Variants in AKR1C3 observed in about 807,000 individuals in gnomAD.
The protein encoded by AKR1C3 is aldo-keto reductase family 1 member C3.
Under a neutral mutation model 43.6 loss-of-function variants are expected in AKR1C3, and 48 were observed. The observed-to-expected ratio is 1.10, with a 90% confidence interval of 0.87 to 1.40. The LOEUF (loss-of-function observed/expected upper bound fraction) is 1.40. AKR1C3 is among the 40% of genes most tolerant of loss of function. The pLI is 0.00. For missense variants in AKR1C3, 482 were observed against 391.2 expected (o/e 1.23, Z -1.96); for synonymous variants, 162 against 139.6 (o/e 1.16, Z -1.13).
chr10:5,096,007 T>G (rs1302712341), intron 1 of AKR1C3: 1 of 154,780 alleles, frequency 6.5e-6, no homozygotes, highest in Admixed American at 6.4e-5. Context: ...GGAGGAAGTC[T>G]GAGTGAGCAT....
At chr10:5,056,396 T>C (rs782801660) in intron 1 of AKR1C3, among the ~76,000 whole-genome samples, 16 of 152,142 alleles carry the variant, frequency 1.1e-4, no homozygotes, top group Non-Finnish European at 2.1e-4. Context: ...TACAACTGGA[T>C]ATAGAGGAAT....
chr10:5,105,782 G>A, intron 8 of AKR1C3, 105 bp downstream of exon 8: 3 of 837,150 alleles, frequency 3.6e-6, no homozygotes, highest in Admixed American at 2.2e-5. Context: ...GCCAATGTGA[G>A]TCAGAGGTGA....
intron 1 of AKR1C3, among the ~76,000 whole-genome samples, chr10:5,095,844 A>G (rs2518049): frequency 0.87 from 132,564 of 152,104 alleles, 58,019 homozygotes; most frequent in African/African-American, 0.96. Flanking sequence ...CAGAATGACT[A>G]TGCAGAAAAG....
upstream of AKR1C3, among the ~76,000 whole-genome samples, chr10:5,091,037 G>A (rs1003040056): frequency 1.3e-5 from 2 of 152,040 alleles, no homozygotes; most frequent in Non-Finnish European, 2.9e-5. Flanking sequence ...TAAAGTGTAG[G>A]ATGAGAGTAA....
At chr10:5,079,192 G>T (rs569954663) in intron 1 of AKR1C3, among the ~76,000 whole-genome samples, 38 of 152,300 alleles carry the variant, frequency 2.5e-4, no homozygotes, top group Admixed American at 2.4e-3. Context: ...TGTCCAGTGT[G>T]TCTGAGGGTG....
intron 2 of AKR1C3, among the ~76,000 whole-genome samples, chr10:5,096,999 T>C (rs1274422802): frequency 6.6e-6 from 1 of 152,202 alleles, no homozygotes; most frequent in African/African-American, 2.4e-5. Flanking sequence ...TAAATTGTCC[T>C]AAATTGTGTC....
intron 1 of AKR1C3, chr10:5,081,544 TTACTC>T (rs1554782355): frequency 6.6e-6 from 1 of 152,194 alleles, no homozygotes; most frequent in African/African-American, 2.4e-5. Context: ...TAATTTTACT[TTACTC>T]AGGGAAGGCT....
chr10:5,068,921 A>G (rs186179403), intron 1 of AKR1C3, among the ~76,000 whole-genome samples: 1 of 152,374 alleles, frequency 6.6e-6, no homozygotes, highest in Admixed American at 6.5e-5. Flanking sequence ...AGCATTTAGC[A>G]AACCTAATAT....
chr10:5,101,377 ACC>A (rs1554785951), intron 5 of AKR1C3, among the ~76,000 whole-genome samples: 2 of 152,126 alleles, frequency 1.3e-5, no homozygotes, highest in African/African-American at 4.8e-5. Context: ...CAATTTTAAA[ACC>A]TTATTTAACT....
In AKR1C3 at chr10:5,102,562, C is replaced by T. The variant is rs782755278; in HGVS notation, c.758C>T (p.Ala253Val). Reference sequence around the variant, plus strand: ...GCAAAAAAGCACAAGCGAACCCCAGCCCTGATTGCCCTGCGCTACCAGCTG... The same window carrying T: ...GCAAAAAAGCACAAGCGAACCCCAGTCCTGATTGCCCTGCGCTACCAGCTG... The part of the protein sequence containing the change: ...ALAKKHKRTP[A>V]LIALRYQLQR... The change falls in exon 7 of 9, where the codon GCC becomes GTC. Residue 253 changes from alanine to valine, a missense_variant. Ala to Val is a moderately conservative substitution (Grantham distance 64). Transcript: ENST00000380554. 1 of 1,564,532 alleles carries T rather than the reference C, an allele frequency of 6.4e-7. No homozygotes were observed. Among genetic ancestry groups the T allele is most frequent in the South Asian group, 1.2e-5 (1 of 85,470 alleles).
intron 7 of AKR1C3, among the ~76,000 whole-genome samples, chr10:5,105,111 A>ATTGT (rs1554786894): frequency 6.6e-6 from 1 of 152,216 alleles, no homozygotes; most frequent in Non-Finnish European, 1.5e-5. Flanking sequence ...TAGACATGAA[A>ATTGT]TTGTTAGTAA....
At chr10:5,064,570 C>T (rs1838455795) in intron 1 of AKR1C3, among the ~76,000 whole-genome samples, 1 of 152,046 alleles carries the variant, frequency 6.6e-6, no homozygotes, top group Admixed American at 6.6e-5. Context: ...CAGCAAAAGA[C>T]ACTAGCAACA....
chr10:5,093,164 C>T (rs145979982), upstream of AKR1C3, among the ~76,000 whole-genome samples: 32 of 152,142 alleles, frequency 2.1e-4, no homozygotes, highest in African/African-American at 7.0e-4. Context: ...ACGTCTCTTC[C>T]CCTAATCTCT....
rs1838773718 is a variant in AKR1C3 at position 5,078,907 on chromosome 10, A to T, written c.85-17503A>T. Among the ~76,000 whole-genome samples the T allele has an allele frequency of 3.3e-5, 5 of 152,212 alleles. No homozygotes were observed. In the South Asian group the frequency reaches 1.0e-3, roughly 32 times the overall value. On this transcript the variant is annotated intron_variant, in intron 1 of 8. Transcript: ENST00000439082. ...AACAGGCCCTTCTGCTGTTGGGTGCAGACATTTCTCCTCCACCTTCTTTAA... is the reference window on the plus strand; with the variant it reads ...AACAGGCCCTTCTGCTGTTGGGTGCTGACATTTCTCCTCCACCTTCTTTAA...
rs1267076792 is a variant in AKR1C3, at chr10:5,105,578, T to A, written c.847-17T>A. The A allele has an allele frequency of 1.9e-6, 3 of 1,601,310 alleles. No homozygotes were observed. Among genetic ancestry groups the A allele is most frequent in the Non-Finnish European group, 2.6e-6 (3 of 1,170,558 alleles). On this transcript the variant is annotated splice_polypyrimidine_tract_variant and intron_variant, in intron 7 of 8. Transcript: ENST00000380554. The stretch of plus-strand genomic sequence containing the variant: ...ACTGGCAATCTAAAAATAATAAAAG[T>A]TTTTTATTTCTGATAGGTTTTTGAG...
chr10:5,098,758 GAAATT>G (rs1564369700), intron 3 of AKR1C3, 39 bp from the exon 4 acceptor site: 2 of 1,545,502 alleles, frequency 1.3e-6, no homozygotes, highest in South Asian at 2.2e-5. Flanking sequence ...TATGAGTGGA[GAAATT>G]AATTTGTGAC....
intron 1 of AKR1C3, among the ~76,000 whole-genome samples, chr10:5,062,113 G>T (rs1481843698): frequency 6.6e-6 from 1 of 152,168 alleles, no homozygotes; most frequent in Non-Finnish European, 1.5e-5. Flanking sequence ...TTTCATTTCA[G>T]AATACTCTTT....
chr10:5,095,849 G>C (rs1259318245), intron 1 of AKR1C3, among the ~76,000 whole-genome samples: 1 of 152,034 alleles, frequency 6.6e-6, no homozygotes, highest in Non-Finnish European at 1.5e-5. Context: ...TGACTATGCA[G>C]AAAAGACTTA....
chr10:5,107,108 G>A (rs1193181619), intron 8 of AKR1C3, among the ~76,000 whole-genome samples: 1 of 152,022 alleles, frequency 6.6e-6, no homozygotes, highest in African/African-American at 2.4e-5. Flanking sequence ...TTACATTTCT[G>A]AATCTTACAA....
Sources: allele counts gnomAD v4.1 joint callset (sites outside exome capture counted in the v4.1 genomes callset), GRCh38; gene constraint gnomAD v4.1.1; transcripts MANE v1.5; gene names NCBI Gene and HGNC (gene_info 2026-07-23, HGNC 2026-07-21).